Variants in MAN1C1 observed in about 807,000 individuals in gnomAD.
The protein encoded by MAN1C1 is mannosidase alpha class 1C member 1.
Under a neutral mutation model 71.5 loss-of-function variants are expected in MAN1C1, and 49 were observed. That is an observed-to-expected ratio of 0.69 (90% CI 0.54 to 0.87). MAN1C1 has a LOEUF of 0.87. Ranked by LOEUF, MAN1C1 falls within the 40% of genes least tolerant of loss-of-function variation. The pLI, the probability that MAN1C1 is intolerant of heterozygous loss-of-function variation, is 0.00. For missense variants in MAN1C1, 743 were observed against 835.0 expected, an observed-to-expected ratio of 0.89 and a Z score of 1.36; for synonymous variants, 352 against 343.7, an observed-to-expected ratio of 1.02 and a Z score of -0.27.
chr1:25,732,277 G>T (rs2046919589), intron 2 of MAN1C1, among the ~76,000 whole-genome samples: 1 of 152,102 alleles, frequency 6.6e-6, no homozygotes, highest in South Asian at 2.1e-4. Flanking sequence ...GTACTTCCCT[G>T]GGACCTTCTT....
intron 3 of MAN1C1, among the ~76,000 whole-genome samples, chr1:25,748,168 A>AGGCAGGTGG (rs901237750): frequency 3.0e-4 from 45 of 152,300 alleles, no homozygotes; most frequent in Non-Finnish European, 5.7e-4. Flanking sequence ...GGGGACACTC[A>AGGCAGGTGG]GGCAGGTGGG....
intron 1 of MAN1C1, among the ~76,000 whole-genome samples, chr1:25,641,105 C>T (rs941935266): frequency 3.9e-5 from 6 of 152,180 alleles, no homozygotes; most frequent in South Asian, 2.1e-4. Flanking sequence ...CTCAGGGAGT[C>T]TGCTTTGAAG....
chr1:25,753,552 C>T lies in MAN1C1; in HGVS notation c.903C>T (p.Ile301=). 3 of 1,613,762 alleles carry T rather than the reference C, an allele frequency of 1.9e-6. No individual in the cohort carries two copies. Among genetic ancestry groups the T allele is most frequent in the Non-Finnish European group, 2.5e-6 (3 of 1,179,858 alleles). The change falls in exon 5 of 12, where the codon ATC becomes ATT. Residue 301 remains isoleucine (I), a synonymous_variant. Transcript: ENST00000374332. This position sits in a 1 kb window ranked among gnomAD's most constrained non-coding sequence, Gnocchi z 4.9. ...CGGCGTTCAACACCCCCACGGGAAT[C>T]CCAAAGGGCGTGGTGAGCTTCAAAA... ...LLPAFNTPTG[I]PKGVVSFKSG...
At chr1:25,692,479 G>T (rs1206524159) in intron 2 of MAN1C1, among the ~76,000 whole-genome samples, 2 of 152,198 alleles carry the variant, frequency 1.3e-5, no homozygotes, top group African/African-American at 4.8e-5. Flanking sequence ...CTCTCAAAGT[G>T]CTAGGATTAC....
At chr1:25,666,748 C>A (rs2045930217) in intron 1 of MAN1C1, among the ~76,000 whole-genome samples, 1 of 152,224 alleles carries the variant, frequency 6.6e-6, no homozygotes, top group Admixed American at 6.5e-5. Flanking sequence ...CGACAGAAAT[C>A]TCAGCCAGGC....
At chr1:25,747,152 AG>A (rs1281392598) in intron 3 of MAN1C1, among the ~76,000 whole-genome samples, 1 of 152,108 alleles carries the variant, frequency 6.6e-6, no homozygotes, top group South Asian at 2.1e-4. Context: ...GGCTTTGTGG[AG>A]GGGGGACGTG....
rs1372575020 is a variant in MAN1C1, at chr1:25,634,883, A to T, written c.540+16546A>T. Among the ~76,000 whole-genome samples, 1 of 152,148 alleles carries T rather than the reference A, an allele frequency of 6.6e-6. No individual in the cohort carries two copies. Among genetic ancestry groups the T allele is most frequent in the Non-Finnish European group, 1.5e-5 (1 of 68,018 alleles). On this transcript the variant is annotated intron_variant, in intron 1 of 11. Coordinates refer to ENST00000374332, the MANE Select transcript of MAN1C1 (RefSeq NM_020379.4). The surrounding 1 kb of genome is among the most constrained non-coding windows in gnomAD (Gnocchi z 4.6). Reference sequence around the variant, plus strand: ...AATCAAACTTGCATTTGATCTTCTAATATTTTTGTTAAGGATTTTTGCATC... The same window carrying T: ...AATCAAACTTGCATTTGATCTTCTATTATTTTTGTTAAGGATTTTTGCATC...
chr1:25,676,943 G>A (rs1235814664), intron 1 of MAN1C1, among the ~76,000 whole-genome samples: 7 of 152,094 alleles, frequency 4.6e-5, no homozygotes, highest in African/African-American at 1.7e-4. Flanking sequence ...TGGCACCCAC[G>A]TGTCCTCCCC....
intron 1 of MAN1C1, among the ~76,000 whole-genome samples, chr1:25,623,765 G>A (rs2045252281): frequency 6.6e-6 from 1 of 152,172 alleles, no homozygotes; most frequent in African/African-American, 2.4e-5. Flanking sequence ...TGCATCCTAA[G>A]TTGAATCTGT....
rs72662656 is a variant in MAN1C1, at chr1:25,680,878, A to G, written c.541-5562A>G. 7.6e-3 allele frequency among the ~76,000 whole-genome samples: 1,151 copies of G among 152,260 alleles called. 13 individuals are homozygous for G. Among genetic ancestry groups the G allele is most frequent in the Non-Finnish European group, 0.011 (726 of 68,026 alleles). On this transcript the variant is annotated intron_variant, in intron 1 of 11. Transcript: ENST00000374332. ...GTTCAGTGATGCACTAGGAAGACTC[A>G]TAGGACTCAGCCCATAGTTCTTGTC...
intron 1 of MAN1C1, among the ~76,000 whole-genome samples, chr1:25,636,873 G>A (rs910699859): frequency 6.6e-6 from 1 of 152,148 alleles, no homozygotes; most frequent in African/African-American, 2.4e-5. Context: ...CACAACACTC[G>A]GCCAGGCATG....
intron 1 of MAN1C1, among the ~76,000 whole-genome samples, chr1:25,637,192 C>T (rs1420044542): frequency 6.6e-6 from 1 of 152,008 alleles, no homozygotes; most frequent in Non-Finnish European, 1.5e-5. Flanking sequence ...TTAGGTCATA[C>T]TTTATCAGTT....
At chr1:25,687,119 A>G (rs575683995) in intron 2 of MAN1C1, among the ~76,000 whole-genome samples, 2 of 152,236 alleles carry the variant, frequency 1.3e-5, no homozygotes, top group East Asian at 3.9e-4. Flanking sequence ...CAAAACGACA[A>G]CAGCAGCAAA....
chr1:25,636,966 C>T (rs749911277), intron 1 of MAN1C1, among the ~76,000 whole-genome samples: 1 of 151,928 alleles, frequency 6.6e-6, no homozygotes, highest in Non-Finnish European at 1.5e-5. Context: ...ACCAGCCTGG[C>T]CAGCATAGTG....
At chr1:25,749,684 G>A (rs975078435) in intron 4 of MAN1C1, among the ~76,000 whole-genome samples, 2 of 152,176 alleles carry the variant, frequency 1.3e-5, no homozygotes, top group Non-Finnish European at 2.9e-5. Context: ...GCTCCCACAG[G>A]TGCTTGTATG....
At chr1:25,766,073 A>C (rs1367551795) in intron 7 of MAN1C1, among the ~76,000 whole-genome samples, 1 of 152,158 alleles carries the variant, frequency 6.6e-6, no homozygotes, top group East Asian at 1.9e-4. Context: ...AAGGGCTGAA[A>C]GGGGTGTGGG....
intron 1 of MAN1C1, among the ~76,000 whole-genome samples, chr1:25,638,791 A>G (rs1394710528): frequency 6.6e-6 from 1 of 152,060 alleles, no homozygotes; most frequent in Non-Finnish European, 1.5e-5. Context: ...TGGATGCTAT[A>G]AGATTTTCAG....
intron 2 of MAN1C1, among the ~76,000 whole-genome samples, chr1:25,729,215 C>G (rs559449667): frequency 1.4e-4 from 21 of 152,364 alleles, no homozygotes; most frequent in African/African-American, 4.1e-4. Context: ...ATGCTCCTCC[C>G]TGACCAGCTT....
At chr1:25,710,146 G>A (rs1476889611) in intron 2 of MAN1C1, 1 of 152,210 alleles carries the variant, frequency 6.6e-6, no homozygotes, top group Non-Finnish European at 1.5e-5. Flanking sequence ...GAAAACAGAG[G>A]TGAGTAATCA....
Sources: gnomAD v4.1 joint callset for allele counts (sites outside exome capture counted in the v4.1 genomes callset) on GRCh38, gnomAD v4.1.1 for gene constraint, Gnocchi (gnomAD v3.1) non-coding constraint, MANE v1.5 for transcripts, NCBI Gene and HGNC (gene_info 2026-07-23, HGNC 2026-07-21) for gene names.